The following NEBL variants were observed in gnomAD, a reference collection of about 807,000 sequenced individuals.
NEBL encodes the protein nebulette.
In NEBL, 122 loss-of-function variants were observed where a neutral mutation model predicts 140.2. That is an observed-to-expected ratio of 0.87 (90% CI 0.75 to 1.01). NEBL has a LOEUF of 1.01. Among genes scored for constraint, NEBL ranks in the 50% least tolerant of loss-of-function variants. The pLI is 0.00. For synonymous variants in NEBL, 436 were observed against 398.9 expected (o/e 1.09, Z -1.11); for missense variants, 1,365 against 1,231.3 (o/e 1.11, Z -1.62).
chr10:20,888,177 G>C lies in NEBL; in HGVS notation c.289C>G (p.Leu97Val), dbSNP rs746070348. ...AKYKGTIKAD[L>V]SNSLYKRMPA... Reference sequence around the variant, plus strand: ...ATCCGCTTATAAAGAGAATTAGAAAGGTCAGCTTTAATGGTGCCTTTGTAT... The same window carrying C: ...ATCCGCTTATAAAGAGAATTAGAAACGTCAGCTTTAATGGTGCCTTTGTAT... Residue 97 changes from leucine (L) to valine (V), a missense_variant, in exon 4 of 28, where the codon CTT becomes GTT. Transcript: ENST00000377122. 7.4e-6 allele frequency: 12 copies of C among 1,613,198 alleles called. 1 individual carries two copies. The South Asian group carries it at 1.3e-4, about 18-fold the overall frequency.
intron 24 of NEBL, among the ~76,000 whole-genome samples, chr10:20,810,664 A>G (rs1287662990): frequency 2.0e-5 from 3 of 152,236 alleles, no homozygotes; most frequent in African/African-American, 7.2e-5. Flanking sequence ...TGAATTCACC[A>G]GTCTCTCCAA....
chr10:21,062,637 T>A (rs1835355609), intron 2 of NEBL, among the ~76,000 whole-genome samples: 1 of 152,032 alleles, frequency 6.6e-6, no homozygotes, highest in South Asian at 2.1e-4. Flanking sequence ...CAGTGAACCA[T>A]GATTGCACCA....
chr10:21,075,405 A>C (rs1370211413), intron 2 of NEBL, among the ~76,000 whole-genome samples: 1 of 152,158 alleles, frequency 6.6e-6, no homozygotes, highest in Non-Finnish European at 1.5e-5. Flanking sequence ...CAGTATCCTG[A>C]AACAACACGA....
At chr10:20,786,173 G>A (rs774844956) in intron 27 of NEBL, among the ~76,000 whole-genome samples, 1 of 152,102 alleles carries the variant, frequency 6.6e-6, no homozygotes, top group African/African-American at 2.4e-5. Flanking sequence ...TCAAAAAGTA[G>A]GCTTTGAAAT....
intron 3 of NEBL, among the ~76,000 whole-genome samples, chr10:20,994,138 GT>G (rs1416845291): frequency 5.3e-5 from 8 of 152,332 alleles, no homozygotes; most frequent in Non-Finnish European, 8.8e-5. Flanking sequence ...CTGTCTTTCA[GT>G]TCAGCCAGCT....
At chr10:21,048,451 C>CAA (rs10626391) in intron 2 of NEBL, among the ~76,000 whole-genome samples, 51,990 of 102,526 alleles carry the variant, frequency 0.51, 13,900 homozygotes, top group Non-Finnish European at 0.64. Context: ...AAATTTCTAC[C>CAA]AAAAAAAAAA....
intron 2 of NEBL, among the ~76,000 whole-genome samples, chr10:21,113,888 ATT>A (rs1838161386): frequency 6.6e-6 from 1 of 151,898 alleles, no homozygotes; most frequent in Non-Finnish European, 1.5e-5. Context: ...TTTCTCTATT[ATT>A]TTTGTTTTTT....
intron 2 of NEBL, among the ~76,000 whole-genome samples, chr10:21,104,686 A>G (rs542182149): frequency 6.6e-6 from 1 of 152,160 alleles, no homozygotes; most frequent in South Asian, 2.1e-4. Flanking sequence ...AGGTAGTTGT[A>G]TCCTTCTTTT....
chr10:21,244,515 GGTGGCCGGC>G (rs1842490796), intron 3 of NEBL, among the ~76,000 whole-genome samples: 2 of 151,680 alleles, frequency 1.3e-5, no homozygotes, highest in Admixed American at 1.3e-4. Context: ...AGCCGGGCAT[GGTGGCCGGC>G]GCCTGTAATC....
intron 3 of NEBL, among the ~76,000 whole-genome samples, chr10:21,004,787 G>T (rs893798270): frequency 1.4e-4 from 22 of 152,136 alleles, no homozygotes; most frequent in Non-Finnish European, 1.5e-5. Flanking sequence ...GTGGGTCTGG[G>T]GCCAGGCCCA....
rs1835063593 is a variant in NEBL at position 20,781,970 on chromosome 10, T to C, written c.*3777A>G. On this transcript the variant is annotated 3_prime_UTR_variant, in exon 28 of 28. Transcript: ENST00000377122. Reference sequence around the variant, plus strand: ...ATGAAGTGAAGTTCATCTTGTGTAGTGAATCCAGCCTCACAATTATTCTAT... The same window carrying C: ...ATGAAGTGAAGTTCATCTTGTGTAGCGAATCCAGCCTCACAATTATTCTAT... 1 of 152,584 alleles carries C rather than the reference T, an allele frequency of 6.6e-6. No individual in the cohort carries two copies. The highest frequency in any genetic ancestry group is 1.5e-5 in the Non-Finnish European group (1 of 68,022). The allele number at this position is 152,584 out of a possible 1,614,324, so 9.5% of individuals were successfully genotyped here.
At chr10:21,155,024 C>T (rs1008787807) in intron 2 of NEBL, among the ~76,000 whole-genome samples, 2 of 152,092 alleles carry the variant, frequency 1.3e-5, no homozygotes, top group African/African-American at 2.4e-5. Context: ...CATGGTGAAA[C>T]CCCATATCTA....
chr10:20,939,000 T>C (rs996574570), intron 4 of NEBL, among the ~76,000 whole-genome samples: 1 of 152,154 alleles, frequency 6.6e-6, no homozygotes, highest in African/African-American at 2.4e-5. Flanking sequence ...TGGAACCAAG[T>C]TGGAAAACAC....
intron 1 of NEBL, among the ~76,000 whole-genome samples, chr10:21,255,601 A>G (rs149071095): frequency 0.016 from 2,499 of 152,304 alleles, 64 homozygotes; most frequent in African/African-American, 0.057. Context: ...ACTTTACTGG[A>G]CAACATCATC....
chr10:21,030,627 AC>A lies in NEBL; in HGVS notation c.165-10427del, dbSNP rs892721710. On this transcript the variant is annotated intron_variant, in intron 2 of 6. Transcript: ENST00000417816. ...CTCCAGCTCAACCGTCTGAGAAAGG[AC>A]CAGCAAGGAAAGATGAAAATAAAGT... 10 of 555,676 alleles carry A rather than the reference AC, an allele frequency of 1.8e-5. No individual in the cohort carries two copies. The Admixed American group carries it at 2.0e-4, about 11-fold the overall frequency. The allele number at this position is 555,676 out of a possible 1,614,324, so 34.4% of individuals were successfully genotyped here.
intron 2 of NEBL, chr10:21,146,576 T>C (rs1839905819): frequency 1.7e-6 from 2 of 1,199,098 alleles, no homozygotes; most frequent in Non-Finnish European, 2.4e-6. Context: ...CTTGGAACTT[T>C]CATCTTAATT....
chr10:21,092,024 A>G (rs1188608286), intron 2 of NEBL, among the ~76,000 whole-genome samples: 5 of 152,154 alleles, frequency 3.3e-5, no homozygotes, highest in African/African-American at 1.2e-4. Context: ...TTTTTCTTCT[A>G]TTTGTTAAGG....
At chr10:20,849,998 A>T (rs1375776902) in intron 11 of NEBL, among the ~76,000 whole-genome samples, 1 of 152,080 alleles carries the variant, frequency 6.6e-6, no homozygotes, top group Non-Finnish European at 1.5e-5. Flanking sequence ...TTCTATTTTC[A>T]TTGAAAAAAA....
rs1835127109 is a variant in NEBL, at chr10:20,782,986, C to G, written c.*2761G>C. The G allele has an allele frequency of 6.6e-6, 1 of 152,628 alleles. No homozygotes were observed. Among genetic ancestry groups the G allele is most frequent in the African/African-American group, 2.4e-5 (1 of 41,450 alleles). The allele number at this position is 152,628 out of a possible 1,614,324, so 9.5% of individuals were successfully genotyped here. ...ATCAAACTGTTCCTTGTGCTTCTGT[C>G]AGGCTTGAGAACACATCAAACTTTA... On this transcript the variant is annotated 3_prime_UTR_variant, in exon 28 of 28. Transcript: ENST00000377122.
Sources: gnomAD v4.1 joint callset for allele counts (sites outside exome capture counted in the v4.1 genomes callset) on GRCh38, gnomAD v4.1.1 for gene constraint, MANE v1.5 for transcripts, NCBI Gene and HGNC (gene_info 2026-07-23, HGNC 2026-07-21) for gene names.